The following DRC5 variants were observed in gnomAD, a reference collection of about 807,000 sequenced individuals.
DRC5 encodes T-complex-associated testis-expressed protein 1.
the DRC5 span, among the ~76,000 whole-genome samples, chr6:44,282,799 C>CT: frequency 0.48 from 50,688 of 105,270 alleles, 13,946 homozygotes; most frequent in Non-Finnish European, 0.54. Flanking sequence ...CCTTTTTTAT[C>CT]TTTTTTTTTT....
At chr6:44,286,588 A>AC in the DRC5 span, 1 of 1,499,066 alleles carries the variant, frequency 6.7e-7, no homozygotes, top group Non-Finnish European at 9.0e-7. Flanking sequence ...ACACCTCAAC[A>AC]TGATGCCTCA....
the DRC5 span, among the ~76,000 whole-genome samples, chr6:44,285,279 A>AG: frequency 6.6e-6 from 1 of 152,246 alleles, no homozygotes; most frequent in Non-Finnish European, 1.5e-5. Flanking sequence ...ATCCCAATTC[A>AG]GGGGTACCAG....
the DRC5 span, among the ~76,000 whole-genome samples, chr6:44,284,053 A>T: frequency 8.5e-5 from 13 of 152,124 alleles, no homozygotes; most frequent in African/African-American, 3.1e-4. Context: ...AGGAACCCAA[A>T]GCTCTCATCG....
the DRC5 span, among the ~76,000 whole-genome samples, chr6:44,294,146 C>G: frequency 4.6e-5 from 7 of 152,010 alleles, no homozygotes; most frequent in East Asian, 1.2e-3. Flanking sequence ...CCACGGCTGG[C>G]TAATTTTGTA....
the DRC5 span, chr6:44,282,323 G>A: frequency 1.2e-6 from 2 of 1,614,228 alleles, no homozygotes; most frequent in Admixed American, 1.7e-5. Flanking sequence ...TGAGGTTGGT[G>A]TTGTGTGCCA....
At chr6:44,287,590 A>G in the DRC5 span, 1 of 1,613,974 alleles carries the variant, frequency 6.2e-7, no homozygotes, top group Non-Finnish European at 8.5e-7. Context: ...GAGCTCTGTG[A>G]GGAGGGGCAC....
chr6:44,290,170 G>A, the DRC5 span, among the ~76,000 whole-genome samples: 2 of 152,218 alleles, frequency 1.3e-5, no homozygotes, highest in Non-Finnish European at 2.9e-5. Context: ...GCATCTCAGA[G>A]TGTAGGGCTG....
the DRC5 span, among the ~76,000 whole-genome samples, chr6:44,291,530 G>C: frequency 6.6e-6 from 1 of 152,178 alleles, no homozygotes; most frequent in Non-Finnish European, 1.5e-5. Flanking sequence ...ACCCTTTGGC[G>C]TGCCACTCTC....
the DRC5 span, among the ~76,000 whole-genome samples, chr6:44,296,312 AC>A: frequency 6.6e-6 from 1 of 152,162 alleles, no homozygotes; most frequent in Non-Finnish European, 1.5e-5. Context: ...CTTGGTGCTG[AC>A]CTAAATAGTC....
At chr6:44,286,659 C>T in the DRC5 span, 3 of 794,118 alleles carry the variant, frequency 3.8e-6, no homozygotes, top group Non-Finnish European at 6.0e-6. Context: ...AGGGGATAGA[C>T]AGCCTCTGCT....
At chr6:44,295,341 G>A in the DRC5 span, among the ~76,000 whole-genome samples, 1 of 152,094 alleles carries the variant, frequency 6.6e-6, no homozygotes, top group Non-Finnish European at 1.5e-5. Context: ...CACTTCTCTG[G>A]GGCCTGCCTC....
chr6:44,290,552 G>A, the DRC5 span, among the ~76,000 whole-genome samples: 1 of 152,194 alleles, frequency 6.6e-6, no homozygotes, highest in African/African-American at 2.4e-5. Context: ...GAAGGGCAAG[G>A]AGGCAGGGTG....
chr6:44,292,379 C>T, the DRC5 span, among the ~76,000 whole-genome samples: 2 of 152,162 alleles, frequency 1.3e-5, no homozygotes, highest in African/African-American at 4.8e-5. Flanking sequence ...CTTCTTTGTC[C>T]CTGATACCCC....
At chr6:44,288,381 G>A in the DRC5 span, among the ~76,000 whole-genome samples, 1 of 152,132 alleles carries the variant, frequency 6.6e-6, no homozygotes, top group African/African-American at 2.4e-5. Flanking sequence ...GAAGCAGAGA[G>A]GCTAATTGAC....
the DRC5 span, among the ~76,000 whole-genome samples, chr6:44,292,595 C>T: frequency 6.6e-6 from 1 of 152,148 alleles, no homozygotes; most frequent in African/African-American, 2.4e-5. Flanking sequence ...GGCGGCTCCA[C>T]TGGCTTCTGA....
At chr6:44,280,229 G>C in the DRC5 span, 1 of 1,614,238 alleles carries the variant, frequency 6.2e-7, no homozygotes, top group Non-Finnish European at 8.5e-7. Context: ...TTGACATGAA[G>C]TGGCTGGGAT....
At chr6:44,283,004 G>A in the DRC5 span, among the ~76,000 whole-genome samples, 11 of 151,932 alleles carry the variant, frequency 7.2e-5, no homozygotes, top group African/African-American at 2.2e-4. Context: ...GGGTTTTACC[G>A]TGTTAGCCAG....
chr6:44,294,758 G>A, the DRC5 span, among the ~76,000 whole-genome samples: 60 of 101,014 alleles, frequency 5.9e-4, no homozygotes, highest in Admixed American at 2.7e-3. Flanking sequence ...GGCAATGAGA[G>A]CAAAACTCTG....
the DRC5 span, chr6:44,280,087 C>G: frequency 2.6e-6 from 3 of 1,168,340 alleles, no homozygotes; most frequent in Non-Finnish European, 3.8e-6. Context: ...TCCCCCTCCC[C>G]GCTCCCTCTG....
Sources: allele counts gnomAD v4.1 joint callset (sites outside exome capture counted in the v4.1 genomes callset), GRCh38; gene constraint gnomAD v4.1.1; transcripts MANE v1.5; gene names NCBI Gene and HGNC (gene_info 2026-07-23, HGNC 2026-07-21).